Variants in RCAN2 observed in about 807,000 individuals in gnomAD.
The protein encoded by RCAN2 is regulator of calcineurin 2.
Under a neutral mutation model 23.6 loss-of-function variants are expected in RCAN2, and 9 were observed. That is an observed-to-expected ratio of 0.38 (90% CI 0.23 to 0.67). RCAN2 has a LOEUF of 0.67. Among genes scored for constraint, RCAN2 ranks in the 30% least tolerant of loss-of-function variants. RCAN2 has a pLI of 0.51. For synonymous variants in RCAN2, 109 were observed against 115.7 expected (o/e 0.94, Z 0.37); for missense variants, 273 against 302.3 (o/e 0.90, Z 0.72).
intron 1 of RCAN2, among the ~76,000 whole-genome samples, chr6:46,462,858 T>A (rs1768261845): frequency 6.6e-6 from 1 of 152,210 alleles, no homozygotes; most frequent in South Asian, 2.1e-4. Flanking sequence ...TCTAAAAAAA[T>A]TCACTTTTCT....
intron 2 of RCAN2, among the ~76,000 whole-genome samples, chr6:46,250,756 G>T (rs1038574545): frequency 3.9e-5 from 6 of 152,142 alleles, no homozygotes; most frequent in Admixed American, 1.3e-4. Flanking sequence ...TATTTAATTA[G>T]ATCACATCTA....
intron 2 of RCAN2, among the ~76,000 whole-genome samples, chr6:46,344,313 C>T (rs1384148787): frequency 6.6e-6 from 1 of 151,866 alleles, no homozygotes; most frequent in Non-Finnish European, 1.5e-5. Context: ...CACATCTGAC[C>T]CTCTAGAAAT....
At chr6:46,239,535 C>T (rs567847533) in intron 4 of RCAN2, among the ~76,000 whole-genome samples, 1 of 152,324 alleles carries the variant, frequency 6.6e-6, no homozygotes, top group South Asian at 2.1e-4. Flanking sequence ...TGTAAACTGA[C>T]ATTCTGCCTC....
chr6:46,340,157 T>C (rs964990983), intron 2 of RCAN2, among the ~76,000 whole-genome samples: 1 of 152,190 alleles, frequency 6.6e-6, no homozygotes, highest in Non-Finnish European at 1.5e-5. Flanking sequence ...TGAGATCTTC[T>C]ACCCTAGTTG....
chr6:46,479,882 C>T (rs1326537666), intron 1 of RCAN2, among the ~76,000 whole-genome samples: 1 of 152,056 alleles, frequency 6.6e-6, no homozygotes, highest in Admixed American at 6.6e-5. Context: ...TGCCCAGCCA[C>T]ATTTCTTTAT....
At chr6:46,460,056 G>GC (rs1554142955) in intron 1 of RCAN2, among the ~76,000 whole-genome samples, 6 of 148,098 alleles carry the variant, frequency 4.1e-5, no homozygotes, top group African/African-American at 1.5e-4. Flanking sequence ...CTCTGTTGTT[G>GC]TTTTTTTTTT....
chr6:46,264,252 C>G (rs1168684324), intron 2 of RCAN2, among the ~76,000 whole-genome samples: 1 of 152,160 alleles, frequency 6.6e-6, no homozygotes, highest in African/African-American at 2.4e-5. Flanking sequence ...ATATCATGTC[C>G]TTTGAAGACA....
At chr6:46,447,403 C>A (rs1767748302) in intron 2 of RCAN2, among the ~76,000 whole-genome samples, 1 of 151,884 alleles carries the variant, frequency 6.6e-6, no homozygotes, top group Non-Finnish European at 1.5e-5. Flanking sequence ...TGGTAGAGGA[C>A]TTCCATACTC....
intron 2 of RCAN2, among the ~76,000 whole-genome samples, chr6:46,347,024 C>G (rs574772345): frequency 2.0e-5 from 3 of 152,100 alleles, no homozygotes; most frequent in Admixed American, 2.0e-4. Flanking sequence ...TACAGGCACC[C>G]GCCACCACGC....
chr6:46,286,032 T>G (rs147066393), intron 2 of RCAN2, among the ~76,000 whole-genome samples: 12 of 152,368 alleles, frequency 7.9e-5, no homozygotes, highest in Non-Finnish European at 1.6e-4. Flanking sequence ...TATTAATATG[T>G]AGCAGCTGTT....
chr6:46,315,398 G>A (rs1763399723), intron 2 of RCAN2, among the ~76,000 whole-genome samples: 1 of 152,118 alleles, frequency 6.6e-6, no homozygotes, highest in African/African-American at 2.4e-5. Context: ...GGTGGAGCGG[G>A]GCCTGTGGTC....
intron 2 of RCAN2, among the ~76,000 whole-genome samples, chr6:46,252,017 G>C (rs1316941397): frequency 1.0e-5 from 1 of 98,478 alleles, no homozygotes; most frequent in Non-Finnish European, 2.2e-5. Flanking sequence ...CATTTACTCA[G>C]CATGTCCTCT....
chr6:46,229,651 A>G (rs1348596654), intron 4 of RCAN2, among the ~76,000 whole-genome samples: 1 of 152,052 alleles, frequency 6.6e-6, no homozygotes. Context: ...TATGCTGTTT[A>G]TTCTAGTTAG....
At chr6:46,386,139 T>C (rs1159908303) in intron 2 of RCAN2, among the ~76,000 whole-genome samples, 1 of 151,824 alleles carries the variant, frequency 6.6e-6, no homozygotes, top group African/African-American at 2.4e-5. Flanking sequence ...AGGTCTAATA[T>C]CCAGAATTTA....
intron 1 of RCAN2, among the ~76,000 whole-genome samples, chr6:46,477,000 C>T: frequency 6.6e-6 from 1 of 152,120 alleles, no homozygotes; most frequent in East Asian, 1.9e-4. Context: ...TCCAAAAAAA[C>T]ATAAAAGAAC....
At chr6:46,314,783 T>C (rs1305989942) in intron 2 of RCAN2, among the ~76,000 whole-genome samples, 2 of 152,126 alleles carry the variant, frequency 1.3e-5, no homozygotes, top group African/African-American at 4.8e-5. Flanking sequence ...CTGTATTCTG[T>C]GTGGGTGTGG....
chr6:46,291,366 A>G (rs1160793813), intron 2 of RCAN2, among the ~76,000 whole-genome samples: 1 of 151,342 alleles, frequency 6.6e-6, no homozygotes, highest in Non-Finnish European at 1.5e-5. Flanking sequence ...GGTAGGGGGA[A>G]GTGAGGAGAA....
intron 2 of RCAN2, among the ~76,000 whole-genome samples, chr6:46,298,962 T>C (rs957425806): frequency 9.9e-5 from 15 of 152,080 alleles, no homozygotes; most frequent in African/African-American, 3.6e-4. Flanking sequence ...TGCTGCAACA[T>C]GGATGCAGCC....
chr6:46,410,616 GC>G (rs1446653604), intron 2 of RCAN2, among the ~76,000 whole-genome samples: 1 of 152,122 alleles, frequency 6.6e-6, no homozygotes, highest in Non-Finnish European at 1.5e-5. Context: ...GAAATCTTTT[GC>G]CTGTTACTAT....
Sources: allele counts gnomAD v4.1 joint callset (sites outside exome capture counted in the v4.1 genomes callset), GRCh38; gene constraint gnomAD v4.1.1; transcripts MANE v1.5; gene names NCBI Gene and HGNC (gene_info 2026-07-23, HGNC 2026-07-21).